Variants in ATRNL1 observed in about 807,000 individuals in gnomAD.
ATRNL1 encodes the protein attractin-like protein 1.
A neutral mutation model predicts 182.7 loss-of-function variants in ATRNL1; 95 were observed. The observed-to-expected ratio is 0.52, with a 90% CI of 0.44 to 0.62. The LOEUF (loss-of-function observed/expected upper bound fraction) is 0.62, where lower values mean the gene tolerates loss of function less well. ATRNL1 is among the 20% of genes least tolerant of loss of function. ATRNL1 has a pLI of 0.00. For synonymous variants in ATRNL1, 576 were observed against 568.3 expected (o/e 1.01, Z -0.19); for missense variants, 1,471 against 1,679.5 (o/e 0.88, Z 2.17).
intron 28 of ATRNL1, among the ~76,000 whole-genome samples, chr10:115,885,848 G>A (rs535829737): frequency 3.3e-5 from 5 of 152,252 alleles, no homozygotes; most frequent in Non-Finnish European, 5.9e-5. Flanking sequence ...TTTGATGGAC[G>A]TTTAGGCTAG....
chr10:115,541,097 G>A (rs1336112), intron 25 of ATRNL1, among the ~76,000 whole-genome samples: 107,753 of 152,002 alleles, frequency 0.71, 39,401 homozygotes, highest in African/African-American at 0.82. Flanking sequence ...TTTTCTTATC[G>A]AAAGACACCA....
At chr10:115,525,443 G>A (rs1012939417) in intron 25 of ATRNL1, among the ~76,000 whole-genome samples, 10 of 152,172 alleles carry the variant, frequency 6.6e-5, no homozygotes, top group South Asian at 4.2e-4. Context: ...ACTATCTCTC[G>A]TATTTTCGGG....
intron 26 of ATRNL1, among the ~76,000 whole-genome samples, chr10:115,682,197 A>G (rs2133952005): frequency 6.7e-6 from 1 of 150,136 alleles, no homozygotes; most frequent in East Asian, 2.1e-4. Context: ...ATTTAGGCAA[A>G]TTGCCTTAGG....
At chr10:115,177,282 T>G (rs1847550652) in intron 8 of ATRNL1, among the ~76,000 whole-genome samples, 1 of 152,072 alleles carries the variant, frequency 6.6e-6, no homozygotes, top group South Asian at 2.1e-4. Flanking sequence ...CTCACAATAT[T>G]GGATTTAATA....
At chr10:115,774,885 A>G (rs1555077452) in intron 27 of ATRNL1, among the ~76,000 whole-genome samples, 2 of 147,106 alleles carry the variant, frequency 1.4e-5, no homozygotes, top group Admixed American at 1.3e-4. Flanking sequence ...TTTTTTTTTT[A>G]TGTAAAGCTG....
intron 26 of ATRNL1, among the ~76,000 whole-genome samples, chr10:115,709,719 A>G (rs782629790): frequency 6.6e-6 from 1 of 152,062 alleles, no homozygotes; most frequent in Non-Finnish European, 1.5e-5. Context: ...AGAATTGTAC[A>G]ATAAAAGAAT....
intron 18 of ATRNL1, among the ~76,000 whole-genome samples, chr10:115,320,325 A>G (rs1554931021): frequency 6.6e-6 from 1 of 151,656 alleles, no homozygotes; most frequent in Non-Finnish European, 1.5e-5. Flanking sequence ...TGCCATTGAC[A>G]TTTTTGCCTT....
chr10:115,685,211 G>T (rs1334176149), intron 26 of ATRNL1, among the ~76,000 whole-genome samples: 1 of 151,666 alleles, frequency 6.6e-6, no homozygotes, highest in Admixed American at 6.6e-5. Context: ...TGATGTTTGA[G>T]ATTTTAAAAA....
intron 26 of ATRNL1, among the ~76,000 whole-genome samples, chr10:115,614,175 C>T (rs556419956): frequency 1.7e-3 from 260 of 152,012 alleles, no homozygotes; most frequent in African/African-American, 5.9e-3. Flanking sequence ...TATAAACGTC[C>T]GTCATAGTAC....
chr10:115,209,559 G>C lies in ATRNL1; in HGVS notation c.1349-6138G>C, dbSNP rs112846632. ...ACTTTTGCAGTATTATCCTGAGTTA[G>C]TTCATGTATTCATGCATCTGTTTTC... On this transcript the variant is annotated intron_variant, in intron 8 of 28. Transcript: ENST00000355044. Among the ~76,000 whole-genome samples, 1,206 of 150,980 alleles carry C rather than the reference G, an allele frequency of 8.0e-3. 14 individuals carry two copies. Among genetic ancestry groups the C allele is most frequent in the African/African-American group, 0.026 (1,075 of 41,194 alleles).
At chr10:115,820,123 A>G (rs1950258104) in intron 27 of ATRNL1, 2 of 152,140 alleles carry the variant, frequency 1.3e-5, no homozygotes, top group East Asian at 1.9e-4. Flanking sequence ...AAGCATGAGT[A>G]GGACACAGCT....
chr10:115,842,875 A>C (rs1399580018), intron 27 of ATRNL1, among the ~76,000 whole-genome samples: 2 of 152,048 alleles, frequency 1.3e-5, no homozygotes, highest in Non-Finnish European at 2.9e-5. Flanking sequence ...GAAATGGAAA[A>C]TAACAGTATC....
At chr10:115,914,058 C>T (rs1952768887) in intron 28 of ATRNL1, among the ~76,000 whole-genome samples, 1 of 152,108 alleles carries the variant, frequency 6.6e-6, no homozygotes, top group Non-Finnish European at 1.5e-5. Flanking sequence ...ATGCTGTTCT[C>T]ATGATAGTAA....
At chr10:115,937,799 A>C (rs1203435385) in intron 28 of ATRNL1, among the ~76,000 whole-genome samples, 2 of 152,232 alleles carry the variant, frequency 1.3e-5, no homozygotes, top group Non-Finnish European at 2.9e-5. Context: ...GTTTAAAAGA[A>C]CTACAAATAC....
chr10:115,761,740 A>G (rs546929959), intron 27 of ATRNL1, among the ~76,000 whole-genome samples: 54 of 152,284 alleles, frequency 3.5e-4, no homozygotes, highest in African/African-American at 1.3e-3. Context: ...TTTTTCTCTT[A>G]TAAGATTTTG....
At chr10:115,444,333 G>A (rs1260000307) in intron 21 of ATRNL1, among the ~76,000 whole-genome samples, 2 of 151,680 alleles carry the variant, frequency 1.3e-5, no homozygotes, top group African/African-American at 2.4e-5. Context: ...TTTGGTGCAG[G>A]GATAGGCATA....
chr10:115,123,571 A>G (rs1454248418), intron 3 of ATRNL1, among the ~76,000 whole-genome samples: 3 of 152,168 alleles, frequency 2.0e-5, no homozygotes, highest in Non-Finnish European at 4.4e-5. Context: ...GGCATAGGCT[A>G]TCGCAGTGGC....
intron 26 of ATRNL1, among the ~76,000 whole-genome samples, chr10:115,654,024 A>G (rs1442001558): frequency 6.6e-6 from 1 of 152,140 alleles, no homozygotes; most frequent in Non-Finnish European, 1.5e-5. Flanking sequence ...ATAACCCACC[A>G]TATTTGTCTC....
At chr10:115,571,042 T>C (rs1555003321) in intron 26 of ATRNL1, among the ~76,000 whole-genome samples, 1 of 152,178 alleles carries the variant, frequency 6.6e-6, no homozygotes, top group South Asian at 2.1e-4. Context: ...TGGAGAATCT[T>C]CCACCCCCAT....
Sources: allele counts gnomAD v4.1 joint callset (sites outside exome capture counted in the v4.1 genomes callset), GRCh38; gene constraint gnomAD v4.1.1; transcripts MANE v1.5; gene names NCBI Gene and HGNC (gene_info 2026-07-23, HGNC 2026-07-21).